The following N4BP2L1 variants were observed in gnomAD, a reference collection of about 807,000 sequenced individuals.
N4BP2L1 encodes the protein NEDD4 binding protein 2 like 1, also known as NEDD4-binding protein 2-like 1.
Under a neutral mutation model 21.2 loss-of-function variants are expected in N4BP2L1, and 12 were observed. That is an observed-to-expected ratio of 0.57 (90% CI 0.36 to 0.92). N4BP2L1 has a LOEUF of 0.92. Ranked by LOEUF, N4BP2L1 falls within the 40% of genes least tolerant of loss-of-function variation. The pLI, the probability that N4BP2L1 is intolerant of heterozygous loss-of-function variation, is 0.01. For missense variants in N4BP2L1, 259 were observed against 310.6 expected, an observed-to-expected ratio of 0.83 and a Z score of 1.25; for synonymous variants, 104 against 112.8, an observed-to-expected ratio of 0.92 and a Z score of 0.49.
Position 32,401,826 on chromosome 13 carries a change from G to C in N4BP2L1, c.*1116C>G. 4.9e-6 allele frequency: 3 copies of C among 614,068 alleles called. No individual in the cohort carries two copies. The highest frequency in any genetic ancestry group is 6.1e-6 in the Non-Finnish European group (3 of 490,362). 38.0% of individuals were successfully genotyped at this position (614,068 alleles called of 1,614,324 possible). A position where few individuals can be genotyped will look rare whatever the true frequency, so the allele number is the denominator to read the frequency against. On this transcript the variant is annotated 3_prime_UTR_variant, in exon 5 of 5. Transcript: ENST00000380130. ...TTTCACAGAACATTAGAAAGAAGCT[G>C]TTGGCCAACAAGAAATAGAGCATAC... is the stretch of plus-strand genomic sequence containing the variant.
At chr13:32,420,687 CTTTTT>C (rs1182325378) in intron 1 of N4BP2L1, 2 of 152,024 alleles carry the variant, frequency 1.3e-5, no homozygotes, top group Admixed American at 1.3e-4. Context: ...CCCATTCATT[CTTTTT>C]TATTTATTTT....
rs1240718910 is a variant in N4BP2L1, at chr13:32,401,995, A to G, written c.*947T>C. 1 of 985,354 alleles carries G rather than the reference A, an allele frequency of 1.0e-6. No individual in the cohort carries two copies. Among genetic ancestry groups the G allele is most frequent in the East Asian group, 1.1e-4 (1 of 8,816 alleles). 61.0% of individuals were successfully genotyped at this position (985,354 alleles called of 1,614,324 possible). A position where few individuals can be genotyped will look rare whatever the true frequency, so the allele number is the denominator to read the frequency against. On this transcript the variant is annotated 3_prime_UTR_variant, in exon 5 of 5. Transcript: ENST00000380130. ...CTTGATTGTCTTAATGCCACATAAA[A>G]CATCAACTGCTCATTTTGTAATGAG...
intron 3 of N4BP2L1, 135 bp downstream of exon 3, chr13:32,407,115 G>A (rs1455754790): frequency 1.5e-5 from 13 of 859,918 alleles, no homozygotes; most frequent in South Asian, 6.7e-5. Flanking sequence ...ATAAAACCTC[G>A]TTACCTTCTC....
chr13:32,417,999 T>C (rs1296959927), intron 1 of N4BP2L1, among the ~76,000 whole-genome samples: 1 of 152,146 alleles, frequency 6.6e-6, no homozygotes, highest in African/African-American at 2.4e-5. Context: ...GATGATGTGA[T>C]AGAAAAGAAA....
At position 32,401,419 on chromosome 13, in the gene N4BP2L1, A is replaced by G. The variant is rs774829121; in HGVS notation, c.*1523T>C. 1 of 152,226 alleles carries G rather than the reference A, an allele frequency of 6.6e-6. No homozygotes were observed. The highest frequency in any genetic ancestry group is 1.5e-5 in the Non-Finnish European group (1 of 68,032). 9.4% of individuals were successfully genotyped at this position (152,226 alleles called of 1,614,324 possible). On this transcript the variant is annotated 3_prime_UTR_variant, in exon 5 of 5. Coordinates refer to ENST00000380130, the MANE Select transcript of N4BP2L1 (RefSeq NM_052818.3). ...TTACTATTGTCAGCCAAACTTACTC[A>G]AAGGAGATACCAGTTTTTAAAATGT...
At position 32,423,377 on chromosome 13, in the gene N4BP2L1, G is replaced by A. The variant is rs77592217; in HGVS notation, c.179+4527C>T. Among the ~76,000 whole-genome samples the A allele has an allele frequency of 5.5e-3, 840 of 152,290 alleles. 54 individuals carry two copies. The East Asian group carries it at 0.14, about 25-fold the overall frequency. ...TGGTGCCAAAAGGAACCAGAACATTGCAAAGGATGCAACATGTACTACAGG... is the reference window on the plus strand; with the variant it reads ...TGGTGCCAAAAGGAACCAGAACATTACAAAGGATGCAACATGTACTACAGG... On this transcript the variant is annotated intron_variant, in intron 1 of 4. Transcript: ENST00000380130.
chr13:32,419,959 A>C (rs1431543194), intron 1 of N4BP2L1, among the ~76,000 whole-genome samples: 1 of 152,212 alleles, frequency 6.6e-6, no homozygotes. Context: ...TGACATGGGC[A>C]GCCTCCCCTG....
Position 32,402,904 on chromosome 13 carries a change from T to C in N4BP2L1, c.*38A>G. 1 of 1,520,274 alleles carries C rather than the reference T, an allele frequency of 6.6e-7. No homozygotes were observed. The highest frequency in any genetic ancestry group is 8.8e-7 in the Non-Finnish European group (1 of 1,132,902). The allele number at this position is 1,520,274 out of a possible 1,614,324, so 94.2% of individuals were successfully genotyped here. On this transcript the variant is annotated 3_prime_UTR_variant, in exon 5 of 5. Coordinates refer to ENST00000380130, the MANE Select transcript of N4BP2L1 (RefSeq NM_052818.3). ...AAATAACAAAAACTGAAGTAGAAAC[T>C]GACTTAGGAAAATTCTGCCTGGCTG...
rs3072043 is a variant in N4BP2L1 at position 32,411,324 on chromosome 13, A to AT, written c.180-3553dup. ...GTGTTTTTCACCTTTAAGGCCAAGG[A>AT]TTTTTTTTTTTTTTTTTTTGGCCTG... On this transcript the variant is annotated intron_variant, in intron 1 of 4. Transcript: ENST00000380130. 5.0e-3 allele frequency among the ~76,000 whole-genome samples: 706 copies of AT among 141,060 alleles called. 7 individuals carry two copies. The highest frequency in any genetic ancestry group is 8.5e-3 in the Admixed American group (120 of 14,168). 92.5% of individuals were successfully genotyped at this position (141,060 alleles called of 152,430 possible).
chr13:32,423,820 G>C (rs2074618816), intron 1 of N4BP2L1, among the ~76,000 whole-genome samples: 3 of 152,218 alleles, frequency 2.0e-5, no homozygotes, highest in African/African-American at 7.2e-5. Context: ...CACAGAGTGT[G>C]TTTGGAGTGA....
In N4BP2L1 at chr13:32,427,979, G is replaced by C. The variant is rs776307032; in HGVS notation, c.104C>G (p.Pro35Arg). ...GTGTTTCCTAAAGCTGTGGCGGCGA[G>C]GAGGTGTCCCCCGCGGGGGCGGCCG... ...PPRPPPRGTPPRRHSFRKHLY... is the reference protein window; with the variant it reads ...PPRPPPRGTPRRRHSFRKHLY... Residue 35 changes from proline to arginine, a missense_variant, in exon 1 of 5, where the codon CCT (proline) becomes CGT (arginine). Physicochemically the swap from Pro to Arg is moderately radical, Grantham distance 103 (BLOSUM62 -2). This residue lies in a region of N4BP2L1 where 60 missense variants were observed against 54.7 expected (regional missense o/e 1.10). Transcript: ENST00000380130. 6.4e-7 allele frequency: 1 copy of C among 1,553,604 alleles called. No homozygotes were observed. Among genetic ancestry groups the C allele is most frequent in the South Asian group, 1.2e-5 (1 of 86,036 alleles).
At chr13:32,419,386 C>T (rs774798865) in intron 1 of N4BP2L1, 97 of 407,558 alleles carry the variant, frequency 2.4e-4, no homozygotes, top group Non-Finnish European at 2.3e-4. Context: ...GCCAGGATTA[C>T]GGGTGCTTGC....
intron 4 of N4BP2L1, among the ~76,000 whole-genome samples, chr13:32,403,968 C>A (rs1342967398): frequency 1.3e-5 from 2 of 152,156 alleles, no homozygotes; most frequent in Non-Finnish European, 2.9e-5. Flanking sequence ...GACTGCTCAA[C>A]CTCTAAAGAT....
chr13:32,422,252 A>T (rs1418055867), intron 1 of N4BP2L1, among the ~76,000 whole-genome samples: 1 of 152,162 alleles, frequency 6.6e-6, no homozygotes, highest in African/African-American at 2.4e-5. Flanking sequence ...TAGCCCGCTT[A>T]TAAGGCTCTT....
chr13:32,426,713 CT>C (rs1353496095), intron 1 of N4BP2L1, among the ~76,000 whole-genome samples: 3 of 152,096 alleles, frequency 2.0e-5, no homozygotes, highest in Non-Finnish European at 4.4e-5. Context: ...ACGGGAAGCC[CT>C]TTGAGGGAAA....
intron 1 of N4BP2L1, among the ~76,000 whole-genome samples, chr13:32,422,230 T>A (rs962952844): frequency 3.9e-5 from 6 of 152,108 alleles, no homozygotes; most frequent in African/African-American, 1.2e-4. Context: ...ACAATTGAAA[T>A]CCAGGTTAAC....
chr13:32,403,186 C>A lies in N4BP2L1; in HGVS notation c.488G>T (p.Gly163Val). The A allele has an allele frequency of 6.2e-7, 1 of 1,600,190 alleles. No individual in the cohort carries two copies. Among genetic ancestry groups the A allele is most frequent in the Non-Finnish European group, 8.5e-7 (1 of 1,171,992 alleles). Residue 163 changes from glycine to valine, a missense_variant, in exon 5 of 5, where the codon GGT becomes GTT. Coordinates refer to ENST00000380130, the MANE Select transcript of N4BP2L1 (RefSeq NM_052818.3). Reference sequence around the variant, plus strand: ...TCGGTGGATTTTTTCTCTTGAGACACCATGAATGTTTCTTCTACATGGAAA... The same window carrying A: ...TCGGTGGATTTTTTCTCTTGAGACAACATGAATGTTTCTTCTACATGGAAA... ...VQELARRNIH[G>V]VSREKIHRMK...
At chr13:32,413,355 T>C (rs1427474728) in intron 1 of N4BP2L1, among the ~76,000 whole-genome samples, 1 of 152,246 alleles carries the variant, frequency 6.6e-6, no homozygotes, top group African/African-American at 2.4e-5. Context: ...ACTGTCCTCA[T>C]GCTGTTTTGG....
chr13:32,405,164 C>T (rs1357274341), intron 3 of N4BP2L1, among the ~76,000 whole-genome samples: 2 of 152,018 alleles, frequency 1.3e-5, no homozygotes, highest in Admixed American at 6.6e-5. Context: ...ATTTCTAAGT[C>T]GAATTAATAG....
Sources: allele counts gnomAD v4.1 joint callset (sites outside exome capture counted in the v4.1 genomes callset), GRCh38; gene constraint gnomAD v4.1.1; regional missense constraint gnomAD v4.1.1; transcripts MANE v1.5; gene names NCBI Gene and HGNC (gene_info 2026-07-23, HGNC 2026-07-21).